Variants in ZNF224 observed in about 807,000 individuals in gnomAD.
ZNF224 encodes zinc finger protein 224.
Under a neutral mutation model 10.5 loss-of-function variants are expected in ZNF224, and 8 were observed. The observed-to-expected ratio is 0.76, with a 90% confidence interval of 0.45 to 1.37. The LOEUF (loss-of-function observed/expected upper bound fraction) is 1.37. ZNF224 is among the 40% of genes most tolerant of loss of function. The probability of loss-of-function intolerance (pLI) is 0.00; values close to 1 mark genes in which losing one functional copy is unlikely to be tolerated. For missense variants in ZNF224, 754 were observed against 854.0 expected, an observed-to-expected ratio of 0.88 and a Z score of 1.46; for synonymous variants, 282 against 287.8, an observed-to-expected ratio of 0.98 and a Z score of 0.20.
chr19:44,098,695 T>C (rs912084310), intron 3 of ZNF224, among the ~76,000 whole-genome samples: 1 of 152,144 alleles, frequency 6.6e-6, no homozygotes, highest in Non-Finnish European at 1.5e-5. Context: ...GGGATTCTCC[T>C]GTCTCAGCCT....
intron 5 of ZNF224, among the ~76,000 whole-genome samples, chr19:44,101,947 G>C (rs1967556416): frequency 6.6e-6 from 1 of 151,968 alleles, no homozygotes; most frequent in African/African-American, 2.4e-5. Flanking sequence ...TTCACCTTTT[G>C]GGTCCCTTGT....
intron 3 of ZNF224, 28 bp downstream of exon 3, chr19:44,097,916 T>A (rs370716071): frequency 1.9e-5 from 30 of 1,613,274 alleles, no homozygotes; most frequent in Non-Finnish European, 2.4e-5. Flanking sequence ...CTATTACTCT[T>A]AAAATTCCCT....
chr19:44,097,831 G>T lies in ZNF224; in HGVS notation c.-43G>T, dbSNP rs762489258. On this transcript the variant is annotated 5_prime_UTR_variant, in exon 3 of 6. Coordinates refer to ENST00000693561, the MANE Select transcript of ZNF224 (RefSeq NM_001321645.3). ...GCACAATTCTGCTTTCCCAGGAACTGCATCACTCAGGACTCTGCAAGTTTC... is the reference window on the plus strand; with the variant it reads ...GCACAATTCTGCTTTCCCAGGAACTTCATCACTCAGGACTCTGCAAGTTTC... The T allele has an allele frequency of 1.1e-5, 17 of 1,611,500 alleles. No individual in the cohort carries two copies. The East Asian group carries it at 3.1e-4, about 30-fold the overall frequency.
rs13346417 is a variant in ZNF224 at position 44,107,009 on chromosome 19, G to A, written c.849G>A (p.Thr283=). 91 of 1,608,792 alleles carry A rather than the reference G, an allele frequency of 5.7e-5. No individual in the cohort carries two copies. The highest frequency in any genetic ancestry group is 6.9e-5 in the Non-Finnish European group (81 of 1,177,112). ...TTCAAGAACATCAGAGAATCCATACGGGGGAGAAGCCATTCAAATGTGATA... is the reference window on the plus strand; with the variant it reads ...TTCAAGAACATCAGAGAATCCATACAGGGGAGAAGCCATTCAAATGTGATA... ...SQLQEHQRIH[T]GEKPFKCDIC... The change falls in exon 6 of 6, where the codon ACG becomes ACA. Residue 283 remains threonine (T), a synonymous_variant. Coordinates refer to ENST00000693561, the MANE Select transcript of ZNF224 (RefSeq NM_001321645.3).
In ZNF224 at chr19:44,107,494, T is replaced by C. The variant is rs1233309337; in HGVS notation, c.1334T>C (p.Phe445Ser). The C allele has an allele frequency of 1.9e-6, 3 of 1,603,560 alleles. No individual in the cohort carries two copies. In the African/African-American group the frequency reaches 4.0e-5, roughly 22 times the overall value. Residue 445 changes from phenylalanine to serine, a missense_variant, in exon 6 of 6, where the codon TTT becomes TCT. Phe to Ser is a radical substitution (Grantham distance 155, BLOSUM62 -2). Coordinates refer to ENST00000693561, the MANE Select transcript of ZNF224 (RefSeq NM_001321645.3). Reference sequence around the variant, plus strand: ...TACAAAAGGAGGTTGGATCTTGACTTTCACCAGCGCGTCCATACAGGAGAG... The same window carrying C: ...TACAAAAGGAGGTTGGATCTTGACTCTCACCAGCGCGTCCATACAGGAGAG... ...KGYKRRLDLD[F>S]HQRVHTGEKL... is the part of the protein sequence containing the mutation.
Position 44,107,580 on chromosome 19 carries a change from C to T in ZNF224, c.1420C>T (p.His474Tyr), listed in dbSNP as rs767001930. The change falls in exon 6 of 6, where the codon CAT (histidine) becomes TAT (tyrosine). Residue 474 changes from histidine to tyrosine, a missense_variant. Physicochemically the swap from His to Tyr is moderately conservative, Grantham distance 83 (BLOSUM62 2). Coordinates refer to ENST00000693561, the MANE Select transcript of ZNF224 (RefSeq NM_001321645.3). ...SFSRAPCLLK[H>Y]ERLHSGEKPF... ...TAGTCGGGCCCCATGTCTTTTGAAA[C>T]ATGAGAGACTCCACAGTGGAGAAAA... 40 of 1,613,590 alleles carry T rather than the reference C, an allele frequency of 2.5e-5. No individual in the cohort carries two copies. The Admixed American group carries it at 6.3e-4, about 26-fold the overall frequency.
chr19:44,094,808 G>A (rs990532813), intron 1 of ZNF224: 4 of 152,270 alleles, frequency 2.6e-5, no homozygotes, highest in Admixed American at 1.3e-4. Flanking sequence ...ATCGTTTTGG[G>A]AACTGGAAGA....
intron 2 of ZNF224, 134 bp from the exon 3 acceptor site, chr19:44,097,672 G>A: frequency 1.8e-6 from 1 of 542,992 alleles, no homozygotes. Context: ...TTTTGGTTGT[G>A]CCGTTTTGGG....
intron 5 of ZNF224, chr19:44,106,142 A>G (rs7250076): frequency 0.84 from 418,853 of 496,874 alleles, 177,785 homozygotes; most frequent in Non-Finnish European, 0.88. Context: ...GCAGTGTATA[A>G]GCGTTTCTTC....
Position 44,106,593 on chromosome 19 carries a change from CAG to C in ZNF224, c.435_436del (p.Lys146IlefsTer8). The C allele has an allele frequency of 3.1e-6, 5 of 1,609,746 alleles. No homozygotes were observed. The highest frequency in any genetic ancestry group is 3.4e-6 in the Non-Finnish European group (4 of 1,177,472). On this transcript the variant is annotated frameshift_variant, in exon 6 of 6. Transcript: ENST00000693561. LOFTEE classifies it low-confidence loss of function (END_TRUNC). ...EAGLSVIHTR[Q>X]KSSQGNGYKP... is the part of the protein sequence containing the mutation. The stretch of plus-strand genomic sequence containing the variant: ...AGGACTATCTGTAATTCACACAAGA[CAG>C]AAATCTTCCCAGGGCAATGGATATA...
chr19:44,097,984 A>G (rs1370963571), intron 3 of ZNF224, 96 bp downstream of exon 3: 2 of 1,408,166 alleles, frequency 1.4e-6, no homozygotes, highest in Non-Finnish European at 2.0e-6. Context: ...AAGGAGAAAA[A>G]CAGACATTTG....
At position 44,107,260 on chromosome 19, in the gene ZNF224, C is replaced by G; in HGVS notation, c.1100C>G (p.Thr367Arg). Residue 367 changes from threonine (T) to arginine (R), a missense_variant, in exon 6 of 6, where the codon ACG becomes AGG. Transcript: ENST00000693561. ...RDLYTHHMVH[T>R]GEKPYNCKEC... The stretch of plus-strand genomic sequence containing the variant: ...CTTTATACGCATCATATGGTCCACA[C>G]GGGAGAAAAGCCATATAATTGTAAA... The G allele has an allele frequency of 6.3e-7, 1 of 1,588,822 alleles. No homozygotes were observed. Among genetic ancestry groups the G allele is most frequent in the Non-Finnish European group, 8.6e-7 (1 of 1,167,870 alleles).
Position 44,108,445 on chromosome 19 carries a change from C to A in ZNF224, c.*161C>A. Reference sequence around the variant, plus strand: ...ATGCTGGTGATAAATTTCACCCATTCTTGGAAGAGGGAAAACATTTGTTTA... The same window carrying A: ...ATGCTGGTGATAAATTTCACCCATTATTGGAAGAGGGAAAACATTTGTTTA... On this transcript the variant is annotated 3_prime_UTR_variant, in exon 6 of 6. Coordinates refer to ENST00000693561, the MANE Select transcript of ZNF224 (RefSeq NM_001321645.3). 1 of 786,744 alleles carries A rather than the reference C, an allele frequency of 1.3e-6. No homozygotes were observed. Among genetic ancestry groups the A allele is most frequent in the Non-Finnish European group, 2.0e-6 (1 of 508,794 alleles). 48.7% of individuals were successfully genotyped at this position (786,744 alleles called of 1,614,324 possible). A position where few individuals can be genotyped will look rare whatever the true frequency, so the allele number is the denominator to read the frequency against.
chr19:44,106,282 A>G, intron 5 of ZNF224, 114 bp from the exon 6 acceptor site: 2 of 1,129,212 alleles, frequency 1.8e-6, no homozygotes, highest in Non-Finnish European at 2.5e-6. Flanking sequence ...TGAAAAATAC[A>G]AACTGAATGT....
chr19:44,104,561 A>T (rs901627741), intron 5 of ZNF224, among the ~76,000 whole-genome samples: 2 of 152,234 alleles, frequency 1.3e-5, no homozygotes, highest in Admixed American at 1.3e-4. Flanking sequence ...CCAAATGAGG[A>T]TCTTGTATTG....
At position 44,101,813 on chromosome 19, in the gene ZNF224, GT is replaced by G. The variant is rs1464983443; in HGVS notation, c.235+591del. Among the ~76,000 whole-genome samples, 47 of 152,258 alleles carry G rather than the reference GT, an allele frequency of 3.1e-4. 1 individual carries two copies. The South Asian group carries it at 6.6e-3, about 21-fold the overall frequency. On this transcript the variant is annotated intron_variant, in intron 5 of 5. Coordinates refer to ENST00000693561, the MANE Select transcript of ZNF224 (RefSeq NM_001321645.3). ...CTCTTGGGGAGAAGCCTTTACTTTA[GT>G]TTATCAGTGTCTAGGCACTGTCCAT...
chr19:44,098,766 A>G (rs1967492129), intron 3 of ZNF224, among the ~76,000 whole-genome samples: 1 of 152,066 alleles, frequency 6.6e-6, no homozygotes, highest in South Asian at 2.1e-4. Flanking sequence ...TTTAGTAGAG[A>G]CAGGGTTTCT....
At position 44,107,727 on chromosome 19, in the gene ZNF224, A is replaced by C; in HGVS notation, c.1567A>C (p.Ser523Arg). ...KCEKCGKGYN[S>R]KFNLDMHQKV... is the part of the protein sequence containing the mutation. ...TGAGAAGTGTGGAAAGGGCTACAAT[A>C]GTAAGTTTAATCTTGATATGCACCA... Residue 523 changes from serine (S) to arginine (R), a missense_variant, in exon 6 of 6, where the codon AGT becomes CGT. Transcript: ENST00000693561. The C allele has an allele frequency of 6.2e-7, 1 of 1,612,960 alleles. No homozygotes were observed. The highest frequency in any genetic ancestry group is 8.5e-7 in the Non-Finnish European group (1 of 1,179,802).
chr19:44,104,939 G>A (rs1420715263), intron 5 of ZNF224, among the ~76,000 whole-genome samples: 1 of 152,236 alleles, frequency 6.6e-6, no homozygotes, highest in Non-Finnish European at 1.5e-5. Context: ...TGGGATTACA[G>A]GCGTGAGCCA....
Sources: allele counts gnomAD v4.1 joint callset (sites outside exome capture counted in the v4.1 genomes callset), GRCh38; gene constraint gnomAD v4.1.1; transcripts MANE v1.5; gene names NCBI Gene and HGNC (gene_info 2026-07-23, HGNC 2026-07-21).